The following CAB39L variants were observed in gnomAD, a reference collection of about 807,000 sequenced individuals.
The protein encoded by CAB39L is calcium binding protein 39 like, also known as calcium-binding protein 39-like.
A neutral mutation model predicts 39.1 loss-of-function variants in CAB39L; 23 were observed. The ratio of observed to expected loss-of-function variants is 0.59; its 90% CI spans 0.42 to 0.83. The LOEUF (loss-of-function observed/expected upper bound fraction) is 0.83. Among genes scored for constraint, CAB39L ranks in the 40% least tolerant of loss-of-function variants. CAB39L has a pLI of 0.00. For synonymous variants in CAB39L, 126 were observed against 137.2 expected, an observed-to-expected ratio of 0.92 and a Z score of 0.57; for missense variants, 366 against 391.9, an observed-to-expected ratio of 0.93 and a Z score of 0.56.
At chr13:49,437,446 G>A (rs1221786806) in intron 1 of CAB39L, among the ~76,000 whole-genome samples, 1 of 152,078 alleles carries the variant, frequency 6.6e-6, no homozygotes, top group Non-Finnish European at 1.5e-5. Flanking sequence ...ACTTTCATGA[G>A]ACTGCGTCTT....
At chr13:49,325,355 T>C (rs937433849) in intron 10 of CAB39L, among the ~76,000 whole-genome samples, 1 of 152,250 alleles carries the variant, frequency 6.6e-6, no homozygotes, top group Non-Finnish European at 1.5e-5. Flanking sequence ...CTTTTCAATA[T>C]GCTGTTACAA....
At chr13:49,437,503 C>T (rs1156673550) in intron 1 of CAB39L, among the ~76,000 whole-genome samples, 3 of 151,988 alleles carry the variant, frequency 2.0e-5, no homozygotes, top group African/African-American at 7.3e-5. Context: ...ATGGATCTTA[C>T]ACCTCTTCTC....
Position 49,309,586 on chromosome 13 carries a change from G to A in CAB39L, c.*1228C>T, listed in dbSNP as rs1442077920. On this transcript the variant is annotated 3_prime_UTR_variant, in exon 11 of 11. Transcript: ENST00000409308. ...TCGCTTTAAAATCCCGTTTTAGATG[G>A]TTGATGTCTGAAACGAAACCACGGC... is the stretch of plus-strand genomic sequence containing the variant. 1 of 152,200 alleles carries A rather than the reference G, an allele frequency of 6.6e-6. No homozygotes were observed. The highest frequency in any genetic ancestry group is 1.5e-5 in the Non-Finnish European group (1 of 68,032). 9.4% of individuals were successfully genotyped at this position (152,200 alleles called of 1,614,324 possible).
Position 49,350,839 on chromosome 13 carries a change from T to C in CAB39L, c.469A>G (p.Lys157Glu), listed in dbSNP as rs1955325513. 1 of 1,612,678 alleles carries C rather than the reference T, an allele frequency of 6.2e-7. No individual in the cohort carries two copies. The stretch of plus-strand genomic sequence containing the variant: ...AATTGATTAGAAAAGAGGATGATTT[T>C]GGCAAGTGGTTCATGTCGAATACAT... ...RECIRHEPLAKIILFSNQFRD... is the reference protein window; with the variant it reads ...RECIRHEPLAEIILFSNQFRD... Residue 157 changes from lysine to glutamate, a missense_variant, in exon 7 of 11, where the codon AAA becomes GAA. Physicochemically the swap from Lys to Glu is moderately conservative, Grantham distance 56. Coordinates refer to ENST00000409308, the MANE Select transcript of CAB39L (RefSeq NM_001079670.3).
intron 10 of CAB39L, among the ~76,000 whole-genome samples, chr13:49,314,054 GC>G (rs973877826): frequency 6.6e-6 from 1 of 152,158 alleles, no homozygotes; most frequent in Non-Finnish European, 1.5e-5. Context: ...CGGCATGAGA[GC>G]TAGTCCATGA....
intron 3 of CAB39L, among the ~76,000 whole-genome samples, chr13:49,415,320 G>A (rs1957065610): frequency 6.6e-6 from 1 of 151,882 alleles, no homozygotes; most frequent in Non-Finnish European, 1.5e-5. Context: ...TTCAAGACCA[G>A]CCTGGCCAAT....
intron 3 of CAB39L, among the ~76,000 whole-genome samples, chr13:49,415,734 G>C (rs550280829): frequency 1.3e-5 from 2 of 152,270 alleles, no homozygotes; most frequent in East Asian, 1.9e-4. Context: ...TGAGCTTTGT[G>C]AGGGCAGGAT....
At chr13:49,438,006 A>AT (rs199515639) in intron 1 of CAB39L, among the ~76,000 whole-genome samples, 1,691 of 125,996 alleles carry the variant, frequency 0.013, 29 homozygotes, top group African/African-American at 0.048. Context: ...TTTATTTTTT[A>AT]TTTTTTTTAA....
At chr13:49,386,065 A>C (rs1268774227) in intron 3 of CAB39L, among the ~76,000 whole-genome samples, 1 of 152,138 alleles carries the variant, frequency 6.6e-6, no homozygotes, top group Non-Finnish European at 1.5e-5. Context: ...GTATGCCTGT[A>C]ATTGCTGTCT....
At chr13:49,357,360 T>C (rs1002098689) in intron 6 of CAB39L, among the ~76,000 whole-genome samples, 2 of 152,112 alleles carry the variant, frequency 1.3e-5, no homozygotes, top group Admixed American at 1.3e-4. Flanking sequence ...GTAAACAACA[T>C]AACATAAGTA....
chr13:49,345,362 T>G (rs1161901612), intron 7 of CAB39L, among the ~76,000 whole-genome samples: 1 of 152,042 alleles, frequency 6.6e-6, no homozygotes, highest in Non-Finnish European at 1.5e-5. Context: ...ATAATAAGAG[T>G]GGCTCTTAAT....
chr13:49,442,799 A>ACAAAAC (rs1301057090), intron 1 of CAB39L, among the ~76,000 whole-genome samples: 6 of 132,928 alleles, frequency 4.5e-5, no homozygotes, highest in African/African-American at 1.5e-4. Flanking sequence ...AAAAAAAAAA[A>ACAAAAC]AAAAAAAAAA....
intron 5 of CAB39L, among the ~76,000 whole-genome samples, chr13:49,364,929 G>A (rs941247999): frequency 2.6e-5 from 4 of 152,126 alleles, no homozygotes; most frequent in African/African-American, 4.8e-5. Context: ...ATTCTTCATC[G>A]AAATAGAAAA....
At position 49,308,795 on chromosome 13, in the gene CAB39L, C is replaced by G. The variant is rs1268183043; in HGVS notation, c.*2019G>C. The G allele has an allele frequency of 6.6e-6, 1 of 152,528 alleles. No homozygotes were observed. Among genetic ancestry groups the G allele is most frequent in the Non-Finnish European group, 1.5e-5 (1 of 68,024 alleles). 9.4% of individuals were successfully genotyped at this position (152,528 alleles called of 1,614,324 possible). On this transcript the variant is annotated 3_prime_UTR_variant, in exon 11 of 11. Transcript: ENST00000409308. ...CCCCTTTGTGCAAAGGGGGAGCTTCCTGCTCCCCCTTTCACATTAATAACT... is the reference window on the plus strand; with the variant it reads ...CCCCTTTGTGCAAAGGGGGAGCTTCGTGCTCCCCCTTTCACATTAATAACT...
intron 3 of CAB39L, among the ~76,000 whole-genome samples, chr13:49,388,313 G>A (rs932572390): frequency 2.6e-5 from 4 of 152,096 alleles, no homozygotes; most frequent in Admixed American, 2.0e-4. Context: ...TTGATCATTC[G>A]AACGATTTTT....
At position 49,432,425 on chromosome 13, in the gene CAB39L, T is replaced by C. The variant is rs190148968; in HGVS notation, c.-32+893A>G. 2.2e-4 allele frequency among the ~76,000 whole-genome samples: 33 copies of C among 152,328 alleles called. 1 individual carries two copies. In the East Asian group the frequency reaches 6.0e-3, roughly 28 times the overall value. ...TGCTGAGATTATAAGTGTGAGCTAC[T>C]GCAACTGGCCATAAACATATTTATT... On this transcript the variant is annotated intron_variant, in intron 3 of 10. Coordinates refer to ENST00000409308, the MANE Select transcript of CAB39L (RefSeq NM_001079670.3).
chr13:49,375,076 G>A (rs1956018464), intron 5 of CAB39L, among the ~76,000 whole-genome samples: 3 of 152,052 alleles, frequency 2.0e-5, no homozygotes, highest in Admixed American at 2.0e-4. Context: ...TTTAGTTCCT[G>A]AGTTTGAGAA....
At chr13:49,392,779 T>C (rs1000600779) in intron 3 of CAB39L, among the ~76,000 whole-genome samples, 2 of 152,142 alleles carry the variant, frequency 1.3e-5, no homozygotes, top group African/African-American at 4.8e-5. Flanking sequence ...ATATGTTCAA[T>C]ACAGACCCTA....
chr13:49,341,716 G>A (rs947702730), intron 8 of CAB39L, among the ~76,000 whole-genome samples: 3 of 152,106 alleles, frequency 2.0e-5, no homozygotes, highest in Non-Finnish European at 2.9e-5. Context: ...TTTCAAAATA[G>A]CTAGAAGAGA....
Sources: allele counts gnomAD v4.1 joint callset (sites outside exome capture counted in the v4.1 genomes callset), GRCh38; gene constraint gnomAD v4.1.1; transcripts MANE v1.5; gene names NCBI Gene and HGNC (gene_info 2026-07-23, HGNC 2026-07-21).